The following FUT9 variants were observed in gnomAD, a reference collection of about 807,000 sequenced individuals.
The protein encoded by FUT9 is 4-galactosyl-N-acetylglucosaminide 3-alpha-L-fucosyltransferase 9.
A neutral mutation model predicts 29.7 loss-of-function variants in FUT9; 15 were observed. The observed-to-expected ratio is 0.51, with a 90% CI of 0.34 to 0.78. The LOEUF is 0.78. Among genes scored for constraint, FUT9 ranks in the 30% least tolerant of loss-of-function variants. The probability of loss-of-function intolerance (pLI) is 0.01; values close to 1 mark genes in which losing one functional copy is unlikely to be tolerated. For synonymous variants in FUT9, 169 were observed against 153.7 expected (o/e 1.10, Z -0.74); for missense variants, 319 against 425.4 (o/e 0.75, Z 2.20).
intron 1 of FUT9, among the ~76,000 whole-genome samples, chr6:96,027,314 C>T (rs1183562255): frequency 6.6e-6 from 1 of 151,592 alleles, no homozygotes. Context: ...CTATTCTAAC[C>T]CTGCATTAGA....
chr6:96,086,895 A>G lies in FUT9; in HGVS notation c.-97-27144A>G, dbSNP rs192514466. Among the ~76,000 whole-genome samples the G allele has an allele frequency of 4.2e-4, 64 of 152,254 alleles. 1 individual carries two copies. In the East Asian group the frequency reaches 0.012, roughly 29 times the overall value. On this transcript the variant is annotated intron_variant, in intron 1 of 2. Coordinates refer to ENST00000302103, the MANE Select transcript of FUT9 (RefSeq NM_006581.4). ...TTAAAAGGCACAGGATGATATCAGG[A>G]CCCTGCTGTCACAGAGAATAGGTTT...
At position 96,203,325 on chromosome 6, in the gene FUT9, A is replaced by G; in HGVS notation, c.170A>G (p.Lys57Arg). The G allele has an allele frequency of 6.2e-7, 1 of 1,613,830 alleles. No homozygotes were observed. The change falls in exon 3 of 3, where the codon AAA becomes AGA. Residue 57 changes from lysine to arginine, a missense_variant. Coordinates refer to ENST00000302103, the MANE Select transcript of FUT9 (RefSeq NM_006581.4). ...VLKMKNFFST[K>R]TDYFNETTIL... ...AAAATGAAAAACTTCTTTTCCACCA[A>G]AACTGATTATTTTAATGAAACTACT...
At chr6:96,062,323 C>G (rs1770889649) in intron 1 of FUT9, among the ~76,000 whole-genome samples, 1 of 151,736 alleles carries the variant, frequency 6.6e-6, no homozygotes, top group Non-Finnish European at 1.5e-5. Flanking sequence ...AATGAGTGAA[C>G]TAAATCTTTA....
chr6:96,055,518 TTC>T (rs773543390), intron 1 of FUT9, among the ~76,000 whole-genome samples: 4 of 152,000 alleles, frequency 2.6e-5, no homozygotes, highest in Non-Finnish European at 5.9e-5. Flanking sequence ...TAAAAAAATC[TTC>T]TCTTTTTTTC....
At chr6:96,106,753 T>A (rs1771693640) in intron 1 of FUT9, among the ~76,000 whole-genome samples, 1 of 152,232 alleles carries the variant, frequency 6.6e-6, no homozygotes, top group Non-Finnish European at 1.5e-5. Flanking sequence ...ACAAGAAAAG[T>A]CATGGCTTAT....
At chr6:96,162,208 CAT>C (rs1263460969) in intron 2 of FUT9, among the ~76,000 whole-genome samples, 1 of 152,134 alleles carries the variant, frequency 6.6e-6, no homozygotes, top group African/African-American at 2.4e-5. Context: ...CTCTTCAAAA[CAT>C]GTTATTTTGT....
Position 96,184,702 on chromosome 6 carries a change from T to C in FUT9, c.-8-18446T>C, listed in dbSNP as rs186583359. On this transcript the variant is annotated intron_variant, in intron 2 of 2. Transcript: ENST00000302103. ...CTTTTAAATTTCCATCTTGATTTCA[T>C]TGTTGACCTGATGATTATTCAAGAG... Among the ~76,000 whole-genome samples, 149 of 152,242 alleles carry C rather than the reference T, an allele frequency of 9.8e-4. 1 individual carries two copies. Among genetic ancestry groups the C allele is most frequent in the Non-Finnish European group, 2.2e-4 (15 of 68,002 alleles).
At chr6:96,093,752 A>G (rs947848134) in intron 1 of FUT9, among the ~76,000 whole-genome samples, 4 of 152,166 alleles carry the variant, frequency 2.6e-5, no homozygotes, top group African/African-American at 9.7e-5. Context: ...ATGAACTTTT[A>G]AAATATTACC....
At chr6:96,163,242 T>C (rs1257123791) in intron 2 of FUT9, among the ~76,000 whole-genome samples, 1 of 151,748 alleles carries the variant, frequency 6.6e-6, no homozygotes, top group Non-Finnish European at 1.5e-5. Context: ...GTTCTTCTGT[T>C]TCCTTGTTTC....
chr6:96,204,706 G>T lies in FUT9; in HGVS notation c.*471G>T, dbSNP rs4454149. On this transcript the variant is annotated 3_prime_UTR_variant, in exon 3 of 3. Transcript: ENST00000302103. ...ATTGAATTCTAACCTCTTTGACTCC[G>T]AAGATGAATGAAGTGTATAACTGTC... is the stretch of plus-strand genomic sequence containing the variant. The T allele has an allele frequency of 0.92, 153,681 of 167,000 alleles. 72,117 individuals are homozygous for T. The highest frequency in any genetic ancestry group is 1 in the Non-Finnish European group (68,005 of 68,134). 10.3% of individuals were successfully genotyped at this position (167,000 alleles called of 1,614,324 possible). A position where few individuals can be genotyped will look rare whatever the true frequency, so the allele number is the denominator to read the frequency against.
intron 1 of FUT9, among the ~76,000 whole-genome samples, chr6:96,054,571 T>C (rs1260593288): frequency 6.6e-6 from 1 of 152,162 alleles, no homozygotes; most frequent in Non-Finnish European, 1.5e-5. Context: ...CCATTAAAAT[T>C]AAAAACAAAG....
At chr6:96,033,608 G>A (rs1038523489) in intron 1 of FUT9, among the ~76,000 whole-genome samples, 8 of 151,420 alleles carry the variant, frequency 5.3e-5, no homozygotes, top group Non-Finnish European at 1.0e-4. Context: ...TTTTCCTGAG[G>A]CACATAAAAA....
intron 1 of FUT9, among the ~76,000 whole-genome samples, chr6:96,031,053 T>G (rs1770251819): frequency 6.6e-6 from 1 of 151,430 alleles, no homozygotes; most frequent in Non-Finnish European, 1.5e-5. Context: ...ACTTGCCACT[T>G]TAAAAAGATT....
chr6:96,141,520 CA>C (rs1772463057), intron 2 of FUT9, among the ~76,000 whole-genome samples: 1 of 152,112 alleles, frequency 6.6e-6, no homozygotes, highest in East Asian at 1.9e-4. Flanking sequence ...TGGAGGGGTC[CA>C]GGGGGATCAG....
intron 2 of FUT9, among the ~76,000 whole-genome samples, chr6:96,184,359 T>C (rs1773365930): frequency 6.6e-6 from 1 of 152,092 alleles, no homozygotes; most frequent in South Asian, 2.1e-4. Flanking sequence ...ATCTTGCTAA[T>C]GGTCTATCAA....
intron 1 of FUT9, among the ~76,000 whole-genome samples, chr6:96,047,753 A>C (rs1770589394): frequency 6.6e-6 from 1 of 152,218 alleles, no homozygotes; most frequent in South Asian, 2.1e-4. Context: ...GAGAAAATAT[A>C]AGATGACTTA....
intron 2 of FUT9, among the ~76,000 whole-genome samples, chr6:96,182,734 A>G (rs1773331660): frequency 6.6e-6 from 1 of 152,068 alleles, no homozygotes; most frequent in Admixed American, 6.6e-5. Context: ...GCTTTGTCGA[A>G]GATCAGTTGG....
chr6:96,034,749 T>C (rs912632386), intron 1 of FUT9, among the ~76,000 whole-genome samples: 27 of 151,728 alleles, frequency 1.8e-4, no homozygotes, highest in Non-Finnish European at 2.8e-4. Context: ...CCCAAACTTA[T>C]CCCTGCAAGA....
intron 2 of FUT9, among the ~76,000 whole-genome samples, chr6:96,121,373 T>G (rs2127965049): frequency 1.3e-5 from 2 of 152,292 alleles, no homozygotes; most frequent in Middle Eastern, 6.8e-3. Context: ...CAAATTGTTC[T>G]TAAGTTTTAT....
Sources: gnomAD v4.1 joint callset for allele counts (sites outside exome capture counted in the v4.1 genomes callset) on GRCh38, gnomAD v4.1.1 for gene constraint, MANE v1.5 for transcripts, NCBI Gene and HGNC (gene_info 2026-07-23, HGNC 2026-07-21) for gene names.